The following NALCN variants were observed in gnomAD, a reference collection of about 807,000 sequenced individuals.
NALCN encodes sodium leak channel NALCN.
In NALCN, 111 loss-of-function variants were observed where a neutral mutation model predicts 225.3. That is an observed-to-expected ratio of 0.49 (90% CI 0.42 to 0.58). The LOEUF is 0.58. NALCN is among the 20% of genes least tolerant of loss of function. The pLI, the probability that NALCN is intolerant of heterozygous loss-of-function variation, is 0.00. For synonymous variants in NALCN, 764 were observed against 769.0 expected (o/e 0.99, Z 0.11); for missense variants, 1,378 against 2,202.4 (o/e 0.63, Z 7.49).
In NALCN at chr13:101,292,481, T is replaced by G; in HGVS notation, c.800-115A>C. The G allele has an allele frequency of 9.0e-7, 1 of 1,107,114 alleles. No homozygotes were observed. The highest frequency in any genetic ancestry group is 1.2e-6 in the Non-Finnish European group (1 of 801,386). 68.6% of individuals were successfully genotyped at this position (1,107,114 alleles called of 1,614,324 possible). On this transcript the variant is annotated intron_variant, in intron 7 of 43. Coordinates refer to ENST00000251127, the MANE Select transcript of NALCN (RefSeq NM_052867.4). This position sits in a 1 kb window ranked among gnomAD's most constrained non-coding sequence, Gnocchi z 4.3. ...CTTATTTTCTCAATGACAAAAGTGC[T>G]TCAAAAATTGATTAGAATCACATGC...
intron 40 of NALCN, among the ~76,000 whole-genome samples, chr13:101,065,186 G>A (rs1322723701): frequency 1.3e-5 from 2 of 152,160 alleles, no homozygotes; most frequent in African/African-American, 2.4e-5. Context: ...GGGCACAGCC[G>A]CCCAGCCCTC....
At chr13:101,415,224 T>TATATATATATATATATATACAC (rs1566669133) in intron 1 of NALCN, among the ~76,000 whole-genome samples, 1 of 76,766 alleles carries the variant, frequency 1.3e-5, no homozygotes, top group Non-Finnish European at 2.6e-5. Context: ...TATATATATA[T>TATATATATATATATATATACAC]ACATACATAT....
intron 13 of NALCN, among the ~76,000 whole-genome samples, chr13:101,201,051 C>A (rs1182737327): frequency 6.6e-6 from 1 of 152,104 alleles, no homozygotes; most frequent in Non-Finnish European, 1.5e-5. Flanking sequence ...CATAGATATG[C>A]TTTTGTGTGC....
intron 14 of NALCN, among the ~76,000 whole-genome samples, chr13:101,176,616 G>T (rs764885930): frequency 1.2e-4 from 19 of 152,116 alleles, no homozygotes; most frequent in Non-Finnish European, 1.9e-4. Context: ...ACTTAAAAAG[G>T]AAATTAAGAA....
At chr13:101,229,648 T>A in intron 12 of NALCN, 64 bp from the exon 13 acceptor site, 1 of 1,269,634 alleles carries the variant, frequency 7.9e-7, no homozygotes, top group Non-Finnish European at 1.0e-6. Flanking sequence ...GAATCTTAAA[T>A]ATATTCATAC....
chr13:101,061,813 A>G (rs1452504580), intron 41 of NALCN, among the ~76,000 whole-genome samples, 155 bp downstream of exon 41: 1 of 152,208 alleles, frequency 6.6e-6, no homozygotes. Flanking sequence ...TGATCTGACC[A>G]CTGTAAGTGG....
At chr13:101,325,350 C>T (rs2044910050) in intron 7 of NALCN, among the ~76,000 whole-genome samples, 1 of 152,166 alleles carries the variant, frequency 6.6e-6, no homozygotes, top group Non-Finnish European at 1.5e-5. Context: ...CCCTCCAGTG[C>T]TTGGCAATTT....
rs1391150974 is a variant in NALCN, at chr13:101,170,591, CA to C, written c.1839+5708del. 1.5e-4 allele frequency among the ~76,000 whole-genome samples: 23 copies of C among 152,212 alleles called. No individual in the cohort carries two copies. The East Asian group carries it at 3.9e-3, about 26-fold the overall frequency. On this transcript the variant is annotated intron_variant, in intron 15 of 43. Transcript: ENST00000251127. Reference sequence around the variant, plus strand: ...CATTCACCTAGAGCTCATACTTTAACAAAAGAGAATATAAGATATTTATGGT... The same window carrying C: ...CATTCACCTAGAGCTCATACTTTAACAAAGAGAATATAAGATATTTATGGT...
chr13:101,272,088 C>T (rs1479330500), intron 10 of NALCN, among the ~76,000 whole-genome samples: 1 of 149,096 alleles, frequency 6.7e-6, no homozygotes, highest in Admixed American at 6.7e-5. Flanking sequence ...TGTGTATGTG[C>T]ACGAGTGTGC....
At chr13:101,395,407 A>G (rs950288462) in intron 2 of NALCN, 42 bp from the exon 3 acceptor site, 13 of 1,579,744 alleles carry the variant, frequency 8.2e-6, no homozygotes, top group East Asian at 4.5e-5. Flanking sequence ...ACCATAACTG[A>G]TATCTCAAAC....
chr13:101,114,898 G>A lies in NALCN; in HGVS notation c.2193-3672C>T, dbSNP rs539487152. Among the ~76,000 whole-genome samples the A allele has an allele frequency of 1.8e-4, 27 of 152,184 alleles. No individual in the cohort carries two copies. In the South Asian group the frequency reaches 3.3e-3, roughly 19 times the overall value. On this transcript the variant is annotated intron_variant, in intron 18 of 43. Coordinates refer to ENST00000251127, the MANE Select transcript of NALCN (RefSeq NM_052867.4). Reference sequence around the variant, plus strand: ...TCTCATCTTTACCAGGAGGAACCTCGTTCTCTCCATGCCATTTTCTTTGTT... The same window carrying A: ...TCTCATCTTTACCAGGAGGAACCTCATTCTCTCCATGCCATTTTCTTTGTT...
intron 13 of NALCN, among the ~76,000 whole-genome samples, chr13:101,211,149 A>G (rs1270621027): frequency 6.6e-6 from 1 of 152,194 alleles, no homozygotes; most frequent in East Asian, 1.9e-4. Context: ...ATTATAATGG[A>G]ATGAGACAAT....
At chr13:101,096,367 T>C (rs1402814640) in intron 27 of NALCN, among the ~76,000 whole-genome samples, 3 of 152,194 alleles carry the variant, frequency 2.0e-5, no homozygotes, top group Non-Finnish European at 4.4e-5. Flanking sequence ...GGTCCAACCA[T>C]ACAAGTGAAT....
At chr13:101,091,064 C>T (rs2034207060) in intron 28 of NALCN, among the ~76,000 whole-genome samples, 1 of 152,052 alleles carries the variant, frequency 6.6e-6, no homozygotes, top group Admixed American at 6.6e-5. Flanking sequence ...TGTTATGGTT[C>T]TTAGCTAACA....
At position 101,388,467 on chromosome 13, in the gene NALCN, T is replaced by C. The variant is rs577523086; in HGVS notation, c.291+6716A>G. On this transcript the variant is annotated intron_variant, in intron 3 of 43. Coordinates refer to ENST00000251127, the MANE Select transcript of NALCN (RefSeq NM_052867.4). ...TGTAGTAAATAGCTCATCACCCAAA[T>C]GTTGATGGAAATGTGAAAATACTGG... Among the ~76,000 whole-genome samples the C allele has an allele frequency of 2.0e-4, 31 of 152,236 alleles. No homozygotes were observed. In the South Asian group the frequency reaches 6.0e-3, roughly 30 times the overall value.
intron 37 of NALCN, among the ~76,000 whole-genome samples, chr13:101,072,035 T>C (rs1378584455): frequency 6.6e-6 from 1 of 152,090 alleles, no homozygotes; most frequent in East Asian, 1.9e-4. Context: ...ATGACATTTA[T>C]CAATTAAATT....
intron 34 of NALCN, among the ~76,000 whole-genome samples, chr13:101,080,036 T>A (rs182852413): frequency 2.0e-5 from 3 of 152,338 alleles, no homozygotes; most frequent in Non-Finnish European, 4.4e-5. Context: ...ATTATAATAA[T>A]GCCTACAGGC....
intron 11 of NALCN, among the ~76,000 whole-genome samples, chr13:101,240,386 A>G (rs145527448): frequency 1.3e-5 from 2 of 149,378 alleles, no homozygotes; most frequent in African/African-American, 2.5e-5. Flanking sequence ...CTTTTTTACT[A>G]TTTCTACCCA....
intron 7 of NALCN, among the ~76,000 whole-genome samples, chr13:101,322,939 T>A (rs1017009743): frequency 1.3e-5 from 2 of 152,078 alleles, no homozygotes; most frequent in Non-Finnish European, 2.9e-5. Flanking sequence ...CTCAAACTTG[T>A]GACCTCAGGT....
Sources: gnomAD v4.1 joint callset for allele counts (sites outside exome capture counted in the v4.1 genomes callset) on GRCh38, gnomAD v4.1.1 for gene constraint, Gnocchi (gnomAD v3.1) non-coding constraint, MANE v1.5 for transcripts, NCBI Gene and HGNC (gene_info 2026-07-23, HGNC 2026-07-21) for gene names.